NFATC2: variants seen among roughly 807,000 people sequenced by gnomAD.
NFATC2 encodes the protein nuclear factor of activated T cells 2, also known as nuclear factor of activated T-cells, cytoplasmic 2.
In NFATC2, 22 loss-of-function variants were observed where a neutral mutation model predicts 87.3. The ratio of observed to expected loss-of-function variants is 0.25; its 90% CI spans 0.18 to 0.36. The LOEUF (loss-of-function observed/expected upper bound fraction) is 0.36. Ranked by LOEUF, NFATC2 falls within the 10% of genes least tolerant of loss-of-function variation. The probability of loss-of-function intolerance (pLI) is 1.00; values close to 1 mark genes in which losing one functional copy is unlikely to be tolerated. For missense variants in NFATC2, 1,149 were observed against 1,259.1 expected, an observed-to-expected ratio of 0.91 and a Z score of 1.32; for synonymous variants, 565 against 542.2, an observed-to-expected ratio of 1.04 and a Z score of -0.58.
intron 6 of NFATC2, among the ~76,000 whole-genome samples, chr20:51,450,626 A>G (rs1431814845): frequency 1.3e-5 from 2 of 152,238 alleles, no homozygotes; most frequent in Admixed American, 6.5e-5. Context: ...GCTGAGGCCC[A>G]AAGAGGTTGA....
intron 3 of NFATC2, among the ~76,000 whole-genome samples, chr20:51,497,193 G>A (rs1193056488): frequency 6.6e-6 from 1 of 152,176 alleles, no homozygotes; most frequent in Non-Finnish European, 1.5e-5. Context: ...GGCACCCTCC[G>A]AGGCTCTGTC....
At chr20:51,424,954 A>G (rs747494220) in intron 9 of NFATC2, among the ~76,000 whole-genome samples, 2 of 152,070 alleles carry the variant, frequency 1.3e-5, no homozygotes, top group African/African-American at 2.4e-5. Context: ...AAAATCTTCC[A>G]TATGACAATG....
In NFATC2 at chr20:51,391,034, AC is replaced by A; in HGVS notation, c.*461del. 1 of 400,826 alleles carries A rather than the reference AC, an allele frequency of 2.5e-6. No homozygotes were observed. Among genetic ancestry groups the A allele is most frequent in the South Asian group, 2.1e-5 (1 of 47,326 alleles). 24.8% of individuals were successfully genotyped at this position (400,826 alleles called of 1,614,324 possible). Reference sequence around the variant, plus strand: ...GGGCTGGGGTTTAATCACAGTGCCCACATCTTCTGTCCCCCGTCCATCCCCC... The same window carrying A: ...GGGCTGGGGTTTAATCACAGTGCCCAATCTTCTGTCCCCCGTCCATCCCCC... On this transcript the variant is annotated 3_prime_UTR_variant, in exon 11 of 11. Coordinates refer to ENST00000371564, the MANE Select transcript of NFATC2 (RefSeq NM_012340.5).
At chr20:51,449,995 T>C (rs1337672146) in intron 6 of NFATC2, among the ~76,000 whole-genome samples, 1 of 152,228 alleles carries the variant, frequency 6.6e-6, no homozygotes, top group Non-Finnish European at 1.5e-5. Flanking sequence ...TGTCTTTGTT[T>C]TTCTACAGCC....
intron 3 of NFATC2, among the ~76,000 whole-genome samples, chr20:51,479,121 T>C (rs1354154868): frequency 1.3e-5 from 2 of 149,628 alleles, no homozygotes; most frequent in Admixed American, 1.3e-4. Context: ...GGCTTTTTTT[T>C]TCCCCCTGGA....
At chr20:51,536,618 A>G (rs1269638896) in intron 1 of NFATC2, among the ~76,000 whole-genome samples, 1 of 152,202 alleles carries the variant, frequency 6.6e-6, no homozygotes, top group African/African-American at 2.4e-5. Context: ...AATCTATGCC[A>G]CCAAAAGAAC....
intron 3 of NFATC2, among the ~76,000 whole-genome samples, chr20:51,476,616 C>CG (rs1199548947): frequency 6.6e-6 from 1 of 152,170 alleles, no homozygotes; most frequent in Non-Finnish European, 1.5e-5. Flanking sequence ...ACTAAACTGT[C>CG]ACCTCTCTGA....
rs1490838074 is a variant in NFATC2, at chr20:51,562,189, T to C, written c.70+371A>G. ...AGTAATAATAATAATACTGCAGCGTTATGGCATTTGCTGTCAAAAGCCGAG... is the reference window on the plus strand; with the variant it reads ...AGTAATAATAATAATACTGCAGCGTCATGGCATTTGCTGTCAAAAGCCGAG... On this transcript the variant is annotated intron_variant, in intron 1 of 10. Transcript: ENST00000414705. The surrounding 1 kb of genome is among the most constrained non-coding windows in gnomAD (Gnocchi z 5.8). 6.6e-6 allele frequency among the ~76,000 whole-genome samples: 1 copy of C among 152,240 alleles called. No homozygotes were observed. Among genetic ancestry groups the C allele is most frequent in the Admixed American group, 6.5e-5 (1 of 15,288 alleles).
chr20:51,519,458 C>CAAAA (rs34825072), intron 2 of NFATC2, among the ~76,000 whole-genome samples: 9 of 124,676 alleles, frequency 7.2e-5, no homozygotes, highest in African/African-American at 2.9e-4. Flanking sequence ...ACTAAAAATA[C>CAAAA]AAAAAAAAAA....
chr20:51,551,793 C>T (rs2076935297), intron 1 of NFATC2, among the ~76,000 whole-genome samples: 2 of 152,012 alleles, frequency 1.3e-5, no homozygotes, highest in African/African-American at 4.8e-5. Flanking sequence ...ATTGGGAGGC[C>T]AAGGTGGGCG....
rs563315156 is a variant in NFATC2, at chr20:51,389,727, G to C, written c.*1769C>G. 1 of 152,182 alleles carries C rather than the reference G, an allele frequency of 6.6e-6. No homozygotes were observed. Among genetic ancestry groups the C allele is most frequent in the African/African-American group, 2.4e-5 (1 of 41,528 alleles). 9.4% of individuals were successfully genotyped at this position (152,182 alleles called of 1,614,324 possible). ...ATCTGAGCATTTTGCCTTCTATCTG[G>C]AGTGCCAAACACACCTGGCCCCACT... On this transcript the variant is annotated 3_prime_UTR_variant, in exon 11 of 11. Transcript: ENST00000371564.
intron 9 of NFATC2, among the ~76,000 whole-genome samples, chr20:51,410,399 G>T (rs140098416): frequency 6.6e-6 from 1 of 152,004 alleles, no homozygotes; most frequent in Non-Finnish European, 1.5e-5. Flanking sequence ...CATTTTCTAC[G>T]CAGAAGAGCT....
intron 1 of NFATC2, among the ~76,000 whole-genome samples, chr20:51,540,665 T>TTTTTTTTTTTTTTTA (rs2076801455): frequency 7.0e-6 from 1 of 143,878 alleles, no homozygotes; most frequent in African/African-American, 2.8e-5. Context: ...TTTGTTTTTT[T>TTTTTTTTTTTTTTTA]TTTTTTGAGA....
chr20:51,395,638 CAGGGTGA>C (rs1986964908), intron 10 of NFATC2, among the ~76,000 whole-genome samples: 1 of 133,782 alleles, frequency 7.5e-6, no homozygotes, highest in Non-Finnish European at 1.6e-5. Context: ...AGAATGATCT[CAGGGTGA>C]CTACTAAGCC....
chr20:51,543,981 T>TTTTC, upstream of NFATC2, among the ~76,000 whole-genome samples: 1 of 126,196 alleles, frequency 7.9e-6, no homozygotes, highest in Non-Finnish European at 1.7e-5. Context: ...CCTAATTTTT[T>TTTTC]TTTTTTTTTT....
chr20:51,434,606 T>C (rs1379941015), intron 8 of NFATC2, among the ~76,000 whole-genome samples: 1 of 152,230 alleles, frequency 6.6e-6, no homozygotes, highest in Non-Finnish European at 1.5e-5. Context: ...TCTTACCCTG[T>C]AGTGTTCACA....
chr20:51,486,694 A>G (rs145670405), intron 3 of NFATC2, among the ~76,000 whole-genome samples: 59 of 150,668 alleles, frequency 3.9e-4, no homozygotes, highest in African/African-American at 1.4e-3. Flanking sequence ...TGCTGAATAA[A>G]TAAACGAATA....
At chr20:51,398,058 G>A (rs1480394857) in intron 10 of NFATC2, among the ~76,000 whole-genome samples, 5 of 145,194 alleles carry the variant, frequency 3.4e-5, no homozygotes, top group Admixed American at 6.8e-5. Context: ...CGAGCACCCT[G>A]GGAAACTCAG....
chr20:51,518,870 AG>A (rs2076396252), intron 2 of NFATC2, among the ~76,000 whole-genome samples: 1 of 152,254 alleles, frequency 6.6e-6, no homozygotes, highest in Admixed American at 6.5e-5. Flanking sequence ...GTGCAATCAT[AG>A]CTCACTGTAG....
Sources: gnomAD v4.1 joint callset for allele counts (sites outside exome capture counted in the v4.1 genomes callset) on GRCh38, gnomAD v4.1.1 for gene constraint, Gnocchi (gnomAD v3.1) non-coding constraint, MANE v1.5 for transcripts, NCBI Gene and HGNC (gene_info 2026-07-23, HGNC 2026-07-21) for gene names.